Variants in RPH3AL observed in about 807,000 individuals in gnomAD.
The protein encoded by RPH3AL is rab effector Noc2.
RPH3AL carries 38 observed loss-of-function variants against 43.1 expected under a neutral mutation model. The ratio of observed to expected loss-of-function variants is 0.88; its 90% CI spans 0.68 to 1.15. The LOEUF is 1.15. RPH3AL is among the 50% of genes most tolerant of loss of function. The probability of loss-of-function intolerance (pLI) is 0.00; values close to 1 mark genes in which losing one functional copy is unlikely to be tolerated. For synonymous variants in RPH3AL, 189 were observed against 176.3 expected, an observed-to-expected ratio of 1.07 and a Z score of -0.57; for missense variants, 462 against 423.2, an observed-to-expected ratio of 1.09 and a Z score of -0.81.
chr17:266,633 C>G (rs1216508402), intron 6 of RPH3AL, among the ~76,000 whole-genome samples: 1 of 152,246 alleles, frequency 6.6e-6, no homozygotes, highest in Non-Finnish European at 1.5e-5. Context: ...GTTTCCTCTT[C>G]ATTCCAAGTG....
chr17:280,210 T>C (rs1423070790), intron 6 of RPH3AL, among the ~76,000 whole-genome samples: 2 of 151,998 alleles, frequency 1.3e-5, no homozygotes, highest in African/African-American at 2.4e-5. Context: ...AGCTGGGAGA[T>C]TGGTCTTCCA....
chr17:342,683 T>C (rs769620219), intron 1 of RPH3AL, among the ~76,000 whole-genome samples: 30 of 152,196 alleles, frequency 2.0e-4, no homozygotes, highest in Non-Finnish European at 4.3e-4. Context: ...AGTGGTTGCC[T>C]AGGGCTTGTT....
At chr17:285,686 G>A (rs772009484) in intron 5 of RPH3AL, among the ~76,000 whole-genome samples, 1 of 152,196 alleles carries the variant, frequency 6.6e-6, no homozygotes, top group Non-Finnish European at 1.5e-5. Context: ...GCAAGGGACA[G>A]CAGAGAAATA....
At chr17:237,446 CG>C (rs1246573749) in intron 7 of RPH3AL, among the ~76,000 whole-genome samples, 1 of 152,042 alleles carries the variant, frequency 6.6e-6, no homozygotes, top group African/African-American at 2.4e-5. Context: ...GAAGGATGGA[CG>C]GTGGAAGGCG....
rs1381966136 is a variant in RPH3AL, at chr17:258,753, AC to A, written c.439-11469del. Among the ~76,000 whole-genome samples the A allele has an allele frequency of 3.1e-5, 4 of 128,716 alleles. 2 individuals carry two copies. The highest frequency in any genetic ancestry group is 4.6e-4 in the East Asian group (2 of 4,388). The allele number at this position is 128,716 out of a possible 152,430, so 84.4% of individuals were successfully genotyped here. ...GTACTCAGCCATTTTGGGATAGTCA[AC>A]CCGTTTTTTTTTTTTTTTTTTTTTG... On this transcript the variant is annotated intron_variant, in intron 6 of 9. Transcript: ENST00000331302.
At position 249,859 on chromosome 17, in the gene RPH3AL, G is replaced by A. The variant is rs112558754; in HGVS notation, c.439-2574C>T. ...CTCGGGGCCTTTACCAAGCTCCGTC[G>A]CTGCAGGACCTCTCAGACCCTTTAC... On this transcript the variant is annotated intron_variant, in intron 6 of 9. Coordinates refer to ENST00000331302, the MANE Select transcript of RPH3AL (RefSeq NM_006987.4). 3.0e-3 allele frequency among the ~76,000 whole-genome samples: 423 copies of A among 143,142 alleles called. 4 individuals carry two copies. In the Middle Eastern group the frequency reaches 0.032, roughly 11 times the overall value. 93.9% of individuals were successfully genotyped at this position (143,142 alleles called of 152,430 possible). A position where few individuals can be genotyped will look rare whatever the true frequency, so the allele number is the denominator to read the frequency against.
In RPH3AL at chr17:274,569, G is replaced by A. The variant is rs932034363; in HGVS notation, c.438+7199C>T. On this transcript the variant is annotated intron_variant, in intron 6 of 9. Coordinates refer to ENST00000331302, the MANE Select transcript of RPH3AL (RefSeq NM_006987.4). The surrounding 1 kb of genome is among the most constrained non-coding windows in gnomAD (Gnocchi z 4.7). Reference sequence around the variant, plus strand: ...GGCTGCATCTGGGAGAGCAGGGAGAGCAGGAAGAGCGGAGGAGACAGCATA... The same window carrying A: ...GGCTGCATCTGGGAGAGCAGGGAGAACAGGAAGAGCGGAGGAGACAGCATA... Among the ~76,000 whole-genome samples the A allele has an allele frequency of 1.3e-5, 2 of 152,230 alleles. No homozygotes were observed. The highest frequency in any genetic ancestry group is 2.9e-5 in the Non-Finnish European group (2 of 68,038).
intron 1 of RPH3AL, among the ~76,000 whole-genome samples, chr17:350,026 A>G (rs1449537680): frequency 6.6e-6 from 1 of 152,194 alleles, no homozygotes; most frequent in Non-Finnish European, 1.5e-5. Flanking sequence ...TGCAGATGCG[A>G]TCTCCCTTTC....
At chr17:319,645 C>G (rs889146285) in intron 4 of RPH3AL, 96 bp from the exon 5 acceptor site, 113 of 1,454,100 alleles carry the variant, frequency 7.8e-5, no homozygotes, top group Non-Finnish European at 1.0e-4. Flanking sequence ...TGTGCTGTCC[C>G]CTCACCTGGG....
At chr17:238,817 AGCT>A (rs2041462707) in intron 7 of RPH3AL, among the ~76,000 whole-genome samples, 1 of 152,178 alleles carries the variant, frequency 6.6e-6, no homozygotes, top group Non-Finnish European at 1.5e-5. Context: ...GGATGAACCC[AGCT>A]CTAAAGGTGT....
chr17:299,558 C>G (rs72806045), intron 5 of RPH3AL, among the ~76,000 whole-genome samples: 1 of 152,154 alleles, frequency 6.6e-6, no homozygotes, highest in Non-Finnish European at 1.5e-5. Context: ...GGGAACAAGA[C>G]GGGCCAAGTC....
intron 5 of RPH3AL, among the ~76,000 whole-genome samples, chr17:316,343 T>A (rs796785980): frequency 1.3e-5 from 2 of 149,486 alleles, no homozygotes; most frequent in Non-Finnish European, 1.5e-5. Flanking sequence ...TCCACTGACC[T>A]GTAGTCTCTG....
intron 5 of RPH3AL, among the ~76,000 whole-genome samples, chr17:305,364 G>A (rs974019867): frequency 2.0e-5 from 3 of 152,170 alleles, no homozygotes; most frequent in Admixed American, 1.3e-4. Flanking sequence ...GGGACAATCC[G>A]GGAGGGTGGG....
At chr17:330,148 A>C (rs575631122) in intron 2 of RPH3AL, among the ~76,000 whole-genome samples, 6 of 152,212 alleles carry the variant, frequency 3.9e-5, no homozygotes, top group African/African-American at 1.4e-4. Flanking sequence ...CAGAGGTAAC[A>C]TGCAGACCGC....
At chr17:291,013 G>A (rs112159361) in intron 5 of RPH3AL, among the ~76,000 whole-genome samples, 70 of 152,252 alleles carry the variant, frequency 4.6e-4, no homozygotes, top group African/African-American at 1.5e-3. Context: ...AGCCTCACTC[G>A]ACCGAAACGG....
At chr17:252,488 C>G (rs1235254102) in intron 6 of RPH3AL, among the ~76,000 whole-genome samples, 3 of 152,108 alleles carry the variant, frequency 2.0e-5, no homozygotes, top group Non-Finnish European at 4.4e-5. Context: ...GCAACCTGTT[C>G]CCACCCTGTC....
chr17:321,537 G>A (rs920194314), intron 3 of RPH3AL, 122 bp from the exon 4 acceptor site: 3 of 1,143,796 alleles, frequency 2.6e-6, no homozygotes, highest in Non-Finnish European at 3.5e-6. Flanking sequence ...CGCGTGCCGG[G>A]ACGACGAGCG....
intron 6 of RPH3AL, among the ~76,000 whole-genome samples, chr17:271,938 G>A (rs2042473311): frequency 6.6e-6 from 1 of 152,126 alleles, no homozygotes. Context: ...ATCAAAAAGT[G>A]GGCAAAGGAT....
At chr17:214,374 G>A (rs933546755) in intron 9 of RPH3AL, among the ~76,000 whole-genome samples, 2 of 152,214 alleles carry the variant, frequency 1.3e-5, no homozygotes, top group African/African-American at 4.8e-5. Context: ...GGAACCCTGT[G>A]AAGGACACCG....
Sources: gnomAD v4.1 joint callset for allele counts (sites outside exome capture counted in the v4.1 genomes callset) on GRCh38, gnomAD v4.1.1 for gene constraint, Gnocchi (gnomAD v3.1) non-coding constraint, MANE v1.5 for transcripts, NCBI Gene and HGNC (gene_info 2026-07-23, HGNC 2026-07-21) for gene names.